TBC1D12: variants seen among roughly 807,000 people sequenced by gnomAD.
TBC1D12 encodes the protein TBC1 domain family, member 12.
A neutral mutation model predicts 86.7 loss-of-function variants in TBC1D12; 56 were observed. The observed-to-expected ratio is 0.65, with a 90% CI of 0.52 to 0.81. The LOEUF (loss-of-function observed/expected upper bound fraction) is 0.81, where lower values mean the gene tolerates loss of function less well. Among genes scored for constraint, TBC1D12 ranks in the 30% least tolerant of loss-of-function variants. The pLI is 0.00. For missense variants in TBC1D12, 1,023 were observed against 1,038.8 expected (o/e 0.98, Z 0.21); for synonymous variants, 421 against 411.7 (o/e 1.02, Z -0.27).
chr10:94,470,085 T>C (rs190369846), intron 2 of TBC1D12, among the ~76,000 whole-genome samples: 1 of 152,300 alleles, frequency 6.6e-6, no homozygotes, highest in Non-Finnish European at 1.5e-5. Context: ...TGAAAATCAG[T>C]ACTTACTTAA....
intron 2 of TBC1D12, among the ~76,000 whole-genome samples, chr10:94,465,827 C>T (rs1476808656): frequency 2.0e-5 from 3 of 150,722 alleles, no homozygotes; most frequent in African/African-American, 4.9e-5. Context: ...TACACATATA[C>T]GTATACGCAT....
At chr10:94,477,751 GA>G (rs1335747309) in intron 3 of TBC1D12, among the ~76,000 whole-genome samples, 1 of 152,196 alleles carries the variant, frequency 6.6e-6, no homozygotes, top group Non-Finnish European at 1.5e-5. Context: ...GAAGAAGATA[GA>G]AATTATTCTA....
intron 2 of TBC1D12, among the ~76,000 whole-genome samples, chr10:94,460,235 A>G (rs1442464311): frequency 6.6e-6 from 1 of 152,188 alleles, no homozygotes; most frequent in African/African-American, 2.4e-5. Flanking sequence ...ACAAGATTCC[A>G]TCTCAAAAAA....
chr10:94,452,191 C>T (rs1012976835), intron 2 of TBC1D12, among the ~76,000 whole-genome samples: 2 of 151,804 alleles, frequency 1.3e-5, no homozygotes, highest in African/African-American at 4.8e-5. Flanking sequence ...CAGAGAGTTC[C>T]ATATAACTCC....
At chr10:94,466,400 G>T (rs1435802731) in intron 2 of TBC1D12, among the ~76,000 whole-genome samples, 31 of 151,406 alleles carry the variant, frequency 2.0e-4, no homozygotes. Context: ...AAATTATATT[G>T]CTGTCTATTG....
intron 1 of TBC1D12, among the ~76,000 whole-genome samples, chr10:94,424,193 C>CA: frequency 6.6e-6 from 1 of 151,936 alleles, no homozygotes; most frequent in East Asian, 1.9e-4. Flanking sequence ...CCCACAGATA[C>CA]CAAAGGACAA....
At chr10:94,506,399 TAAA>T (rs2056461404) in intron 6 of TBC1D12, among the ~76,000 whole-genome samples, 1 of 152,204 alleles carries the variant, frequency 6.6e-6, no homozygotes, top group Non-Finnish European at 1.5e-5. Context: ...AATAAAATTT[TAAA>T]AAGAATTAAT....
chr10:94,497,676 CG>C (rs2056341070), intron 5 of TBC1D12, among the ~76,000 whole-genome samples: 1 of 133,366 alleles, frequency 7.5e-6, no homozygotes, highest in Admixed American at 7.6e-5. Flanking sequence ...CCTGCCACCG[CG>C]CCTGGCTAAT....
intron 1 of TBC1D12, among the ~76,000 whole-genome samples, chr10:94,427,749 T>C (rs2055165555): frequency 6.7e-6 from 1 of 149,966 alleles, no homozygotes; most frequent in Non-Finnish European, 1.5e-5. Flanking sequence ...GGAGAATTGC[T>C]TGTACCTGGG....
At chr10:94,521,920 A>G in intron 9 of TBC1D12, 35 bp from the exon 10 acceptor site, 6 of 1,533,490 alleles carry the variant, frequency 3.9e-6, no homozygotes, top group Non-Finnish European at 5.3e-6. Flanking sequence ...TTATTATTGT[A>G]AGTCCATTTT....
At chr10:94,483,361 T>C (rs2056107331) in intron 3 of TBC1D12, among the ~76,000 whole-genome samples, 1 of 152,246 alleles carries the variant, frequency 6.6e-6, no homozygotes, top group Admixed American at 6.5e-5. Context: ...GTGGTTGTAC[T>C]AATTTCCATT....
chr10:94,459,490 G>A (rs1036484918), intron 2 of TBC1D12, among the ~76,000 whole-genome samples: 7 of 152,208 alleles, frequency 4.6e-5, no homozygotes, highest in South Asian at 2.1e-4. Context: ...CGCGCTGTGC[G>A]CCCGCATTCC....
Position 94,533,161 on chromosome 10 carries a change from C to G in TBC1D12, c.*65C>G. The G allele has an allele frequency of 9.5e-7, 1 of 1,055,162 alleles. No homozygotes were observed. The highest frequency in any genetic ancestry group is 1.4e-6 in the Non-Finnish European group (1 of 730,148). 65.4% of individuals were successfully genotyped at this position (1,055,162 alleles called of 1,614,324 possible). On this transcript the variant is annotated 3_prime_UTR_variant, in exon 13 of 13. Transcript: ENST00000225235. ...TTTTTGGATAAAGGTTTTTTGTTTC[C>G]TATGTAAAAGGCGTGGAAGAAAATG... is the stretch of plus-strand genomic sequence containing the variant.
At chr10:94,530,775 C>T (rs1368890482) in intron 11 of TBC1D12, among the ~76,000 whole-genome samples, 2 of 152,000 alleles carry the variant, frequency 1.3e-5, no homozygotes, top group African/African-American at 4.8e-5. Context: ...TAGGCCTTTC[C>T]TCTACATAAG....
intron 6 of TBC1D12, 140 bp from the exon 7 acceptor site, chr10:94,507,127 A>T (rs142363790): frequency 1.3e-5 from 9 of 714,230 alleles, no homozygotes; most frequent in African/African-American, 1.1e-4. Context: ...GGTAGAATCA[A>T]GTACTTAGAT....
intron 6 of TBC1D12, among the ~76,000 whole-genome samples, chr10:94,505,435 C>T (rs2056447760): frequency 6.6e-6 from 1 of 152,096 alleles, no homozygotes; most frequent in South Asian, 2.1e-4. Context: ...AAAAAATTAA[C>T]TGGATGTGTT....
chr10:94,444,366 G>A (rs1041509034), intron 2 of TBC1D12, among the ~76,000 whole-genome samples: 1 of 151,838 alleles, frequency 6.6e-6, no homozygotes, highest in Admixed American at 6.6e-5. Flanking sequence ...AGACACTAAA[G>A]GCATTGACCA....
chr10:94,507,708 T>G (rs1357613379), intron 7 of TBC1D12, among the ~76,000 whole-genome samples: 5 of 152,126 alleles, frequency 3.3e-5, no homozygotes, highest in Admixed American at 6.6e-5. Context: ...ATGGTGAGGC[T>G]GGGCGGATGG....
Position 94,531,772 on chromosome 10 carries a change from A to ATGTTATTTTATTTTG in TBC1D12, c.2259+326_2259+327insGTGTTATTTTATTTT, listed in dbSNP as rs1564996781. Among the ~76,000 whole-genome samples, 27 of 129,524 alleles carry ATGTTATTTTATTTTG rather than the reference A, an allele frequency of 2.1e-4. 1 individual carries two copies. Among genetic ancestry groups the ATGTTATTTTATTTTG allele is most frequent in the African/African-American group, 8.1e-4 (27 of 33,462 alleles). The allele number at this position is 129,524 out of a possible 152,430, so 85.0% of individuals were successfully genotyped here. On this transcript the variant is annotated intron_variant, in intron 12 of 12. Coordinates refer to ENST00000225235, the MANE Select transcript of TBC1D12 (RefSeq NM_015188.2). ...ATGTTATTTTATTTTATTTTATTTT[A>ATGTTATTTTATTTTG]TGTTATTTTATTTTATGTTATTTTA...
Sources: allele counts gnomAD v4.1 joint callset (sites outside exome capture counted in the v4.1 genomes callset), GRCh38; gene constraint gnomAD v4.1.1; transcripts MANE v1.5; gene names NCBI Gene and HGNC (gene_info 2026-07-23, HGNC 2026-07-21).